The following CKAP5 variants were observed in gnomAD, a reference collection of about 807,000 sequenced individuals.
The protein encoded by CKAP5 is cytoskeleton-associated protein 5.
In CKAP5, 27 loss-of-function variants were observed where a neutral mutation model predicts 232.8. The ratio of observed to expected loss-of-function variants is 0.12; its 90% CI spans 0.09 to 0.16. The LOEUF (loss-of-function observed/expected upper bound fraction) is 0.16. CKAP5 is among the 10% of genes least tolerant of loss of function. The probability of loss-of-function intolerance (pLI) is 1.00; values close to 1 mark genes in which losing one functional copy is unlikely to be tolerated. For synonymous variants in CKAP5, 785 were observed against 841.1 expected, an observed-to-expected ratio of 0.93 and a Z score of 1.16; for missense variants, 1,838 against 2,424.7, an observed-to-expected ratio of 0.76 and a Z score of 5.08.
At chr11:46,756,549 A>G (rs1391552271) in intron 35 of CKAP5, among the ~76,000 whole-genome samples, 2 of 152,228 alleles carry the variant, frequency 1.3e-5, no homozygotes, top group African/African-American at 4.8e-5. Context: ...TAAGTACAAT[A>G]AAACCATCAA....
intron 13 of CKAP5, among the ~76,000 whole-genome samples, chr11:46,792,414 G>A (rs1192092241): frequency 6.6e-6 from 1 of 152,038 alleles, no homozygotes; most frequent in Non-Finnish European, 1.5e-5. Context: ...TTAGCCAGGC[G>A]TGGTGGCAGG....
intron 42 of CKAP5, among the ~76,000 whole-genome samples, chr11:46,748,605 T>C (rs1425496383): frequency 6.6e-6 from 1 of 151,938 alleles, no homozygotes; most frequent in Admixed American, 6.6e-5. Context: ...AAACCCCGTC[T>C]CTACTAAAAA....
Position 46,828,860 on chromosome 11 carries a change from G to A in CKAP5, c.-37-7592C>T, listed in dbSNP as rs531801091. Among the ~76,000 whole-genome samples, 3 of 152,100 alleles carry A rather than the reference G, an allele frequency of 2.0e-5. No individual in the cohort carries two copies. In the South Asian group the frequency reaches 6.2e-4, roughly 32 times the overall value. On this transcript the variant is annotated intron_variant, in intron 1 of 43. Transcript: ENST00000529230. ...TGGTAGTAACCAAAGATGGGGTGGG[G>A]GTGTGGCTTGGGAGGGGGATAAGAG...
At position 46,767,708 on chromosome 11, in the gene CKAP5, T is replaced by A. The variant is rs757101651; in HGVS notation, c.3323-45A>T. On this transcript the variant is annotated intron_variant, in intron 26 of 43. Transcript: ENST00000529230. ...TATATACTATAAACTTTAACTAATA[T>A]CATTTTATTTTGGACAGGTTAAATA... is the stretch of plus-strand genomic sequence containing the variant. 7.4e-6 allele frequency: 9 copies of A among 1,211,034 alleles called. No homozygotes were observed. In the African/African-American group the frequency reaches 1.4e-4, roughly 19 times the overall value. The allele number at this position is 1,211,034 out of a possible 1,614,324, so 75.0% of individuals were successfully genotyped here. A position where few individuals can be genotyped will look rare whatever the true frequency, so the allele number is the denominator to read the frequency against.
intron 11 of CKAP5, among the ~76,000 whole-genome samples, chr11:46,797,280 T>C (rs930330203): frequency 2.6e-5 from 4 of 152,020 alleles, no homozygotes; most frequent in African/African-American, 7.3e-5. Context: ...GGCAGGAGAA[T>C]TGCTTGAGCC....
intron 18 of CKAP5, among the ~76,000 whole-genome samples, chr11:46,781,925 A>G (rs1430604761): frequency 6.6e-6 from 1 of 152,158 alleles, no homozygotes; most frequent in African/African-American, 2.4e-5. Context: ...TCCTGGGTGC[A>G]AGTGATTCTC....
intron 1 of CKAP5, among the ~76,000 whole-genome samples, chr11:46,836,681 C>T (rs1939925668): frequency 2.6e-5 from 4 of 152,170 alleles, no homozygotes; most frequent in Admixed American, 2.6e-4. Flanking sequence ...AATAGGAATG[C>T]AAAATGGTAC....
chr11:46,810,342 A>C (rs995019677), intron 5 of CKAP5, among the ~76,000 whole-genome samples: 1 of 151,942 alleles, frequency 6.6e-6, no homozygotes, highest in African/African-American at 2.4e-5. Flanking sequence ...ATTGAGAGAC[A>C]GGGTCTCAAC....
At chr11:46,806,110 C>A (rs556261296) in intron 8 of CKAP5, among the ~76,000 whole-genome samples, 1 of 152,128 alleles carries the variant, frequency 6.6e-6, no homozygotes, top group Non-Finnish European at 1.5e-5. Context: ...ATTCCCTCCA[C>A]CCCACCACGT....
chr11:46,817,200 A>G (rs1592478937), intron 3 of CKAP5, among the ~76,000 whole-genome samples: 1 of 151,756 alleles, frequency 6.6e-6, no homozygotes, highest in Non-Finnish European at 1.5e-5. Flanking sequence ...CTGTGACCTC[A>G]AACTCCTGGG....
chr11:46,821,550 G>A (rs1939527030), intron 1 of CKAP5, among the ~76,000 whole-genome samples: 1 of 145,788 alleles, frequency 6.9e-6, no homozygotes, highest in African/African-American at 2.5e-5. Flanking sequence ...TCAGCCTCCC[G>A]AGTAGCCGGG....
chr11:46,777,657 C>T (rs753492251), intron 22 of CKAP5, 105 bp from the exon 23 acceptor site: 6 of 705,264 alleles, frequency 8.5e-6, no homozygotes, highest in Middle Eastern at 2.4e-4. Context: ...GATTTTTGGC[C>T]TACTCAAGAG....
chr11:46,762,851 G>A (rs2065167325), intron 30 of CKAP5, 89 bp from the exon 31 acceptor site: 3 of 1,478,236 alleles, frequency 2.0e-6, no homozygotes, highest in Non-Finnish European at 2.8e-6. Context: ...AAAGAATAGG[G>A]AAATAGGGAT....
intron 25 of CKAP5, 186 bp from the exon 26 acceptor site, chr11:46,770,284 A>G: frequency 1.6e-6 from 1 of 626,460 alleles, no homozygotes; most frequent in Non-Finnish European, 2.8e-6. Context: ...TAAGGTAGGT[A>G]TCATTCTAGA....
chr11:46,748,744 G>A (rs375027537), intron 42 of CKAP5, among the ~76,000 whole-genome samples: 11 of 151,980 alleles, frequency 7.2e-5, no homozygotes, highest in Non-Finnish European at 1.5e-4. Context: ...ACTCCAGCCC[G>A]AGCAACAGAG....
intron 1 of CKAP5, among the ~76,000 whole-genome samples, chr11:46,824,710 T>A (rs531610127): frequency 6.6e-6 from 1 of 152,232 alleles, no homozygotes; most frequent in African/African-American, 2.4e-5. Context: ...TAAAACCATT[T>A]GGAAGTTTCT....
At chr11:46,787,017 G>A (rs1051159508) in intron 16 of CKAP5, among the ~76,000 whole-genome samples, 4 of 152,132 alleles carry the variant, frequency 2.6e-5, no homozygotes, top group African/African-American at 7.2e-5. Flanking sequence ...AATTAGCAAG[G>A]TGTAGTGATG....
rs1029574420 is a variant in CKAP5, at chr11:46,777,287, A to C, written c.2862+152T>G. On this transcript the variant is annotated intron_variant, in intron 23 of 43. Coordinates refer to ENST00000529230, the MANE Select transcript of CKAP5 (RefSeq NM_001008938.4). ...CCTGGTCACCTTAATACTGCCTGGA[A>C]GATAAAAATGTTTACTGTTTTTCTT... The C allele has an allele frequency of 5.3e-6, 3 of 567,632 alleles. No homozygotes were observed. The African/African-American group carries it at 5.7e-5, about 11-fold the overall frequency. The allele number at this position is 567,632 out of a possible 1,614,324, so 35.2% of individuals were successfully genotyped here. A position where few individuals can be genotyped will look rare whatever the true frequency, so the allele number is the denominator to read the frequency against.
chr11:46,777,587 G>A lies in CKAP5; in HGVS notation c.2749-35C>T, dbSNP rs139231799. Reference sequence around the variant, plus strand: ...AAGAGCCAATACTTTATGTTGAAACGATAAGCAAGTTGTGTGCAAACTTCC... The same window carrying A: ...AAGAGCCAATACTTTATGTTGAAACAATAAGCAAGTTGTGTGCAAACTTCC... On this transcript the variant is annotated intron_variant, in intron 22 of 43. Transcript: ENST00000529230. 10 of 1,420,628 alleles carry A rather than the reference G, an allele frequency of 7.0e-6. No homozygotes were observed. In the Admixed American group the frequency reaches 1.2e-4, roughly 17 times the overall value. The allele number at this position is 1,420,628 out of a possible 1,614,324, so 88.0% of individuals were successfully genotyped here.
Sources: allele counts gnomAD v4.1 joint callset (sites outside exome capture counted in the v4.1 genomes callset), GRCh38; gene constraint gnomAD v4.1.1; transcripts MANE v1.5; gene names NCBI Gene and HGNC (gene_info 2026-07-23, HGNC 2026-07-21).